Variants in LRRC7 observed in about 807,000 individuals in gnomAD.
The protein encoded by LRRC7 is leucine rich repeat containing 7.
Under a neutral mutation model 175.7 loss-of-function variants are expected in LRRC7, and 23 were observed. That is an observed-to-expected ratio of 0.13 (90% confidence interval 0.09 to 0.19). LRRC7 has a LOEUF of 0.19. LRRC7 is among the 10% of genes least tolerant of loss of function. LRRC7 has a pLI of 1.00. For missense variants in LRRC7, 1,354 were observed against 1,904.7 expected (o/e 0.71, Z 5.38); for synonymous variants, 685 against 680.9 (o/e 1.01, Z -0.09).
intron 2 of LRRC7, among the ~76,000 whole-genome samples, chr1:69,702,273 T>C (rs1663449972): frequency 6.6e-6 from 1 of 152,208 alleles, no homozygotes; most frequent in Non-Finnish European, 1.5e-5. Context: ...ATCAGTTTAC[T>C]GTCAAGCAAG....
chr1:69,731,042 C>T (rs1667520822), intron 2 of LRRC7, among the ~76,000 whole-genome samples: 1 of 152,004 alleles, frequency 6.6e-6, no homozygotes. Context: ...TGGCTCACAC[C>T]TGTAATCCCA....
intron 7 of LRRC7, among the ~76,000 whole-genome samples, chr1:69,914,115 T>C (rs1214554322): frequency 1.3e-5 from 2 of 152,144 alleles, no homozygotes; most frequent in Admixed American, 6.6e-5. Flanking sequence ...GTGCCATGAA[T>C]AGCCAGTAAT....
chr1:69,731,179 G>C lies in LRRC7; in HGVS notation c.101-29012G>C, dbSNP rs565484195. On this transcript the variant is annotated intron_variant, in intron 2 of 26. Coordinates refer to ENST00000651989, the MANE Select transcript of LRRC7 (RefSeq NM_001370785.2). The stretch of plus-strand genomic sequence containing the variant: ...TAGCCGGATGTGGTGGCGGGCGTCT[G>C]TAGTCCCAGCTACTCGGGAGGCTGA... Among the ~76,000 whole-genome samples, 9 of 152,186 alleles carry C rather than the reference G, an allele frequency of 5.9e-5. No individual in the cohort carries two copies. In the South Asian group the frequency reaches 1.9e-3, roughly 32 times the overall value.
chr1:69,727,359 T>C (rs924674548), intron 2 of LRRC7, among the ~76,000 whole-genome samples: 2 of 152,158 alleles, frequency 1.3e-5, no homozygotes, highest in African/African-American at 4.8e-5. Context: ...GTTTTTATAA[T>C]TATAGCCACT....
chr1:69,632,532 A>G (rs1345054340), intron 1 of LRRC7, among the ~76,000 whole-genome samples: 1 of 152,158 alleles, frequency 6.6e-6, no homozygotes, highest in Non-Finnish European at 1.5e-5. Context: ...GCCATTTTAC[A>G]TTAATTTTCC....
intron 2 of LRRC7, among the ~76,000 whole-genome samples, chr1:69,759,640 T>C (rs1670819328): frequency 6.6e-6 from 1 of 152,068 alleles, no homozygotes; most frequent in Non-Finnish European, 1.5e-5. Context: ...GTTCAATGCA[T>C]CACTGTCTCC....
At chr1:69,662,786 T>C (rs1657671833) in intron 1 of LRRC7, among the ~76,000 whole-genome samples, 1 of 152,246 alleles carries the variant, frequency 6.6e-6, no homozygotes, top group Non-Finnish European at 1.5e-5. Flanking sequence ...CAATGGCTAT[T>C]GAAACCTTGA....
In LRRC7 at chr1:70,123,859, G is replaced by A. The variant is rs1666323001; in HGVS notation, c.*1972G>A. Among the ~76,000 whole-genome samples, 1 of 152,148 alleles carries A rather than the reference G, an allele frequency of 6.6e-6. No individual in the cohort carries two copies. Among genetic ancestry groups the A allele is most frequent in the Non-Finnish European group, 1.5e-5 (1 of 68,024 alleles). ...TAAAGAAAAAAAACTCATGGCTGTAGTTTGGTGGCAATGAAACATCTGAAA... is the reference window on the plus strand; with the variant it reads ...TAAAGAAAAAAAACTCATGGCTGTAATTTGGTGGCAATGAAACATCTGAAA... On this transcript the variant is annotated 3_prime_UTR_variant, in exon 27 of 27. Transcript: ENST00000651989.
intron 2 of LRRC7, among the ~76,000 whole-genome samples, chr1:69,726,855 A>G (rs1378118555): frequency 6.6e-6 from 1 of 152,204 alleles, no homozygotes; most frequent in Non-Finnish European, 1.5e-5. Flanking sequence ...AGTTCATAGA[A>G]TCTGGTGGTT....
At chr1:69,994,485 C>A in intron 10 of LRRC7, 76 bp from the exon 11 acceptor site, 1 of 1,003,804 alleles carries the variant, frequency 1.0e-6, no homozygotes, top group Non-Finnish European at 1.6e-6. Context: ...ACAAGTGATT[C>A]ATGTGATTTC....
At chr1:69,896,701 C>T (rs1570552707) in intron 7 of LRRC7, among the ~76,000 whole-genome samples, 1 of 152,036 alleles carries the variant, frequency 6.6e-6, no homozygotes, top group Non-Finnish European at 1.5e-5. Context: ...ATAGCCTGCA[C>T]TATAATTATT....
At chr1:69,736,673 A>T (rs1570569204) in intron 2 of LRRC7, among the ~76,000 whole-genome samples, 1 of 152,068 alleles carries the variant, frequency 6.6e-6, no homozygotes, top group African/African-American at 2.4e-5. Flanking sequence ...TAAAGCCATC[A>T]CCTATTTGAA....
At chr1:69,870,725 C>G (rs1376681365) in intron 7 of LRRC7, among the ~76,000 whole-genome samples, 1 of 152,068 alleles carries the variant, frequency 6.6e-6, no homozygotes, top group Non-Finnish European at 1.5e-5. Context: ...AAAATTATTT[C>G]TTGAATTCTC....
At chr1:69,865,051 A>C (rs1684759807) in intron 7 of LRRC7, among the ~76,000 whole-genome samples, 1 of 152,212 alleles carries the variant, frequency 6.6e-6, no homozygotes, top group South Asian at 2.1e-4. Flanking sequence ...ATGAGTAAAC[A>C]ACAAAAGCAT....
At chr1:69,923,918 G>T (rs1229030794) in intron 7 of LRRC7, among the ~76,000 whole-genome samples, 3 of 151,468 alleles carry the variant, frequency 2.0e-5, no homozygotes, top group African/African-American at 7.3e-5. Flanking sequence ...TTTTCTTCTA[G>T]GGTTTTTATG....
At chr1:69,900,345 T>A (rs984728677) in intron 7 of LRRC7, among the ~76,000 whole-genome samples, 1 of 152,198 alleles carries the variant, frequency 6.6e-6, no homozygotes, top group African/African-American at 2.4e-5. Context: ...ACCCAGAATC[T>A]ACATCTGTTT....
At chr1:69,855,410 T>C (rs1169536619) in intron 7 of LRRC7, among the ~76,000 whole-genome samples, 3 of 152,192 alleles carry the variant, frequency 2.0e-5, no homozygotes, top group Admixed American at 2.0e-4. Context: ...GAGCAGGTTG[T>C]TCAGTTTCCA....
At chr1:69,836,700 G>T (rs980955429) in intron 6 of LRRC7, among the ~76,000 whole-genome samples, 3 of 151,736 alleles carry the variant, frequency 2.0e-5, no homozygotes, top group African/African-American at 7.3e-5. Flanking sequence ...ACTCCTAAAA[G>T]CCAAAATCAG....
intron 7 of LRRC7, among the ~76,000 whole-genome samples, chr1:69,871,726 A>C (rs17131066): frequency 0.051 from 7,798 of 152,018 alleles, 246 homozygotes; most frequent in East Asian, 0.15. Flanking sequence ...CCATCCAAAA[A>C]TAAACACATA....
Sources: allele counts gnomAD v4.1 joint callset (sites outside exome capture counted in the v4.1 genomes callset), GRCh38; gene constraint gnomAD v4.1.1; transcripts MANE v1.5; gene names NCBI Gene and HGNC (gene_info 2026-07-23, HGNC 2026-07-21).